The following SHANK1 variants were observed in gnomAD, a reference collection of about 807,000 sequenced individuals.
SHANK1 encodes SH3 and multiple ankyrin repeat domains protein 1.
Under a neutral mutation model 165.6 loss-of-function variants are expected in SHANK1, and 35 were observed. The observed-to-expected ratio is 0.21, with a 90% CI of 0.16 to 0.28. The LOEUF (loss-of-function observed/expected upper bound fraction) is 0.28. Ranked by LOEUF, SHANK1 falls within the 10% of genes least tolerant of loss-of-function variation. SHANK1 has a pLI of 1.00. For synonymous variants in SHANK1, 1,428 were observed against 1,384.8 expected (o/e 1.03, Z -0.69); for missense variants, 2,681 against 3,036.4 (o/e 0.88, Z 2.75).
chr19:50,708,518 C>T (rs1414168816), intron 8 of SHANK1, among the ~76,000 whole-genome samples: 1 of 142,852 alleles, frequency 7.0e-6, no homozygotes, highest in Non-Finnish European at 1.5e-5. Flanking sequence ...CCTCCCCAGG[C>T]CAGATGCTGT....
intron 4 of SHANK1, among the ~76,000 whole-genome samples, chr19:50,715,136 G>A (rs1307082972): frequency 2.0e-5 from 3 of 152,090 alleles, no homozygotes; most frequent in African/African-American, 7.2e-5. Context: ...TCTCACCATC[G>A]AGACACAGGA....
rs779065002 is a variant in SHANK1 at position 50,667,424 on chromosome 19, C to G, written c.4536G>C (p.Ser1512=). The G allele has an allele frequency of 6.6e-7, 1 of 1,520,186 alleles. No individual in the cohort carries two copies. The highest frequency in any genetic ancestry group is 1.4e-5 in the African/African-American group (1 of 72,718). The allele number at this position is 1,520,186 out of a possible 1,614,324, so 94.2% of individuals were successfully genotyped here. Residue 1512 remains serine (S), a synonymous_variant, in exon 23 of 24, where the codon TCG becomes TCC. Coordinates refer to ENST00000293441, the MANE Select transcript of SHANK1 (RefSeq NM_016148.5). This position sits in a 1 kb window ranked among gnomAD's most constrained non-coding sequence, Gnocchi z 5.7. ...APVTSGRGPP[S]EDGPGVPPPS... ...GCGGCGGGACCCCCGGCCCGTCCTC[C>G]GAGGGGGGACCCCTTCCGCTCGTCA...
chr19:50,667,971 G>T lies in SHANK1; in HGVS notation c.3989C>A (p.Thr1330Asn). ...CAGGGGTCGCGGGGGCAGGAAGCTG[G>T]TGAAGGCGCTGCTGCCCCCGCCACC... ...YGGGGGSSAF[T>N]SFLPPRPLVH... Residue 1330 changes from threonine to asparagine, a missense_variant, in exon 23 of 24, where the codon ACC becomes AAC. Physicochemically the swap from Thr to Asn is moderately conservative, Grantham distance 65 (BLOSUM62 0). Coordinates refer to ENST00000293441, the MANE Select transcript of SHANK1 (RefSeq NM_016148.5). The surrounding 1 kb of genome is among the most constrained non-coding windows in gnomAD (Gnocchi z 5.7). 1 of 1,440,998 alleles carries T rather than the reference G, an allele frequency of 6.9e-7. No individual in the cohort carries two copies. The highest frequency in any genetic ancestry group is 9.1e-7 in the Non-Finnish European group (1 of 1,102,186). 89.3% of individuals were successfully genotyped at this position (1,440,998 alleles called of 1,614,324 possible).
rs929380381 is a variant in SHANK1, at chr19:50,687,806, C to A, written c.2308+117G>T. ...TGCCTCAGTTTCTCCCCACAAGGGT[C>A]ACGGAGAAGCAGTGCTAGGGAAGGG... is the stretch of plus-strand genomic sequence containing the variant. On this transcript the variant is annotated intron_variant, in intron 18 of 23. Coordinates refer to ENST00000293441, the MANE Select transcript of SHANK1 (RefSeq NM_016148.5). 2.0e-5 allele frequency: 28 copies of A among 1,425,188 alleles called. No homozygotes were observed. The Admixed American group carries it at 5.6e-4, about 28-fold the overall frequency. 88.3% of individuals were successfully genotyped at this position (1,425,188 alleles called of 1,614,324 possible). A position where few individuals can be genotyped will look rare whatever the true frequency, so the allele number is the denominator to read the frequency against.
At chr19:50,664,731 A>T (rs1199134913) in intron 23 of SHANK1, among the ~76,000 whole-genome samples, 1 of 152,102 alleles carries the variant, frequency 6.6e-6, no homozygotes, top group Non-Finnish European at 1.5e-5. Context: ...AAACATAAGC[A>T]GGTCTCACTC....
chr19:50,668,605 C>T lies in SHANK1; in HGVS notation c.3355G>A (p.Glu1119Lys), dbSNP rs1270421651. ...PLVKQTKVEG[E>K]PQKGGGLPPA... is the part of the protein sequence containing the mutation. ...GGGAGGCCGCCGCCCTTCTGGGGCT[C>T]GCCTTCCACCTTGGTCTGCTTGACC... Residue 1119 changes from glutamate (E) to lysine (K), a missense_variant, in exon 23 of 24, where the codon GAG (glutamate) becomes AAG (lysine). Physicochemically the swap from Glu to Lys is moderately conservative, Grantham distance 56. This residue lies in a region of SHANK1 where 1,713 missense variants were observed against 1,630.2 expected (regional missense o/e 1.05). Coordinates refer to ENST00000293441, the MANE Select transcript of SHANK1 (RefSeq NM_016148.5). 2 of 1,370,414 alleles carry T rather than the reference C, an allele frequency of 1.5e-6. No individual in the cohort carries two copies. The highest frequency in any genetic ancestry group is 3.2e-5 in the Admixed American group (1 of 31,272). 84.9% of individuals were successfully genotyped at this position (1,370,414 alleles called of 1,614,324 possible). A position where few individuals can be genotyped will look rare whatever the true frequency, so the allele number is the denominator to read the frequency against.
rs778010514 is a variant in SHANK1, at chr19:50,697,695, CTT to C, written c.1862-33_1862-32del. On this transcript the variant is annotated intron_variant, in intron 13 of 23. Transcript: ENST00000293441. This position sits in a 1 kb window ranked among gnomAD's most constrained non-coding sequence, Gnocchi z 4.7. Reference sequence around the variant, plus strand: ...GGGTGACAACAGACAACCTTGGACTCTTGTTTTGGAAACCACAATCCCAGCCC... The same window carrying C: ...GGGTGACAACAGACAACCTTGGACTCGTTTTGGAAACCACAATCCCAGCCC... 1.2e-6 allele frequency: 2 copies of C among 1,608,488 alleles called. No individual in the cohort carries two copies. The highest frequency in any genetic ancestry group is 2.7e-5 in the African/African-American group (2 of 74,868).
rs184288424 is a variant in SHANK1, at chr19:50,680,256, C to T, written c.2577+5981G>A. Among the ~76,000 whole-genome samples, 39 of 151,806 alleles carry T rather than the reference C, an allele frequency of 2.6e-4. No individual in the cohort carries two copies. In the East Asian group the frequency reaches 6.4e-3, roughly 25 times the overall value. ...AGAGATGAGAGGGGAAATGAGAGGG[C>T]GATGGGAAGCATGGGAAGCAGGAAG... On this transcript the variant is annotated intron_variant, in intron 21 of 23. Coordinates refer to ENST00000293441, the MANE Select transcript of SHANK1 (RefSeq NM_016148.5).
Position 50,686,691 on chromosome 19 carries a change from G to T in SHANK1, c.2458+53C>A. 6.5e-7 allele frequency: 1 copy of T among 1,539,328 alleles called. No individual in the cohort carries two copies. The highest frequency in any genetic ancestry group is 1.1e-5 in the South Asian group (1 of 89,258). Reference sequence around the variant, plus strand: ...GTTCATGGTGGGACAGGGATGCAGCGGGTGCCGGGGCTGGGGCCCGGCATC... The same window carrying T: ...GTTCATGGTGGGACAGGGATGCAGCTGGTGCCGGGGCTGGGGCCCGGCATC... On this transcript the variant is annotated intron_variant, in intron 20 of 23. Coordinates refer to ENST00000293441, the MANE Select transcript of SHANK1 (RefSeq NM_016148.5). This position sits in a 1 kb window ranked among gnomAD's most constrained non-coding sequence, Gnocchi z 5.7.
intron 21 of SHANK1, among the ~76,000 whole-genome samples, chr19:50,674,701 C>T (rs545033041): frequency 7.9e-4 from 121 of 152,230 alleles, no homozygotes; most frequent in African/African-American, 2.6e-3. Context: ...TAGGGAGGAT[C>T]GCTTGACCCC....
At position 50,688,131 on chromosome 19, in the gene SHANK1, G is replaced by A; in HGVS notation, c.2173-73C>T. Reference sequence around the variant, plus strand: ...GTGCTTGCAGCTTCAGAGACCCCAAGGAGGATGCCTCCTGCGCTGCCCTGT... The same window carrying A: ...GTGCTTGCAGCTTCAGAGACCCCAAAGAGGATGCCTCCTGCGCTGCCCTGT... On this transcript the variant is annotated intron_variant, in intron 17 of 23. Coordinates refer to ENST00000293441, the MANE Select transcript of SHANK1 (RefSeq NM_016148.5). This position sits in a 1 kb window ranked among gnomAD's most constrained non-coding sequence, Gnocchi z 6.7. 2 of 1,575,392 alleles carry A rather than the reference G, an allele frequency of 1.3e-6. No individual in the cohort carries two copies. The highest frequency in any genetic ancestry group is 1.1e-5 in the South Asian group (1 of 88,482).
In SHANK1 at chr19:50,713,786, C is replaced by G. The variant is rs1481399312; in HGVS notation, c.792+12G>C. ...GCCCCATGGCGGGGATGGGGGGTCCCCGAAGCCTCACCGTGAGTGCCAGGC... is the reference window on the plus strand; with the variant it reads ...GCCCCATGGCGGGGATGGGGGGTCCGCGAAGCCTCACCGTGAGTGCCAGGC... On this transcript the variant is annotated intron_variant, in intron 6 of 23. Transcript: ENST00000293441. The surrounding 1 kb of genome is among the most constrained non-coding windows in gnomAD (Gnocchi z 6.2). 6.2e-7 allele frequency: 1 copy of G among 1,611,622 alleles called. No individual in the cohort carries two copies. The highest frequency in any genetic ancestry group is 1.3e-5 in the African/African-American group (1 of 74,814).
In SHANK1 at chr19:50,659,330, G is replaced by C; in HGVS notation, c.*2635C>G. 1 of 446,502 alleles carries C rather than the reference G, an allele frequency of 2.2e-6. No individual in the cohort carries two copies. 27.7% of individuals were successfully genotyped at this position (446,502 alleles called of 1,614,324 possible). ...AAGCCATTTCTCTCTGCAAAATCTT[G>C]GTGGGGAGTCAGGGGAAGGGAGGTG... On this transcript the variant is annotated 3_prime_UTR_variant, in exon 24 of 24. Coordinates refer to ENST00000293441, the MANE Select transcript of SHANK1 (RefSeq NM_016148.5).
intron 22 of SHANK1, among the ~76,000 whole-genome samples, chr19:50,669,613 G>A (rs1234934939): frequency 6.6e-6 from 1 of 152,154 alleles, no homozygotes; most frequent in African/African-American, 2.4e-5. Context: ...CAGCAAAAGT[G>A]GCTGGAGCTG....
rs776687083 is a variant in SHANK1, at chr19:50,667,436, C to G, written c.4524G>C (p.Arg1508Ser). Residue 1508 changes from arginine (R) to serine (S), a missense_variant, in exon 23 of 24, where the codon AGG (arginine) becomes AGC (serine). Physicochemically the swap from Arg to Ser is moderately radical, Grantham distance 110. Around this residue, in one of 10 missense-constraint regions of SHANK1, gnomAD observed 1,713 missense variants for 1,630.2 expected, o/e 1.05. Transcript: ENST00000293441. This position sits in a 1 kb window ranked among gnomAD's most constrained non-coding sequence, Gnocchi z 5.7. ...CQPRAPVTSG[R>S]GPPSEDGPGV... Reference sequence around the variant, plus strand: ...CCGGCCCGTCCTCCGAGGGGGGACCCCTTCCGCTCGTCACAGGGGCCCGGG... The same window carrying G: ...CCGGCCCGTCCTCCGAGGGGGGACCGCTTCCGCTCGTCACAGGGGCCCGGG... 5.8e-5 allele frequency: 89 copies of G among 1,525,484 alleles called. 1 individual carries two copies. In the East Asian group the frequency reaches 1.3e-3, roughly 22 times the overall value. The allele number at this position is 1,525,484 out of a possible 1,614,324, so 94.5% of individuals were successfully genotyped here. A position where few individuals can be genotyped will look rare whatever the true frequency, so the allele number is the denominator to read the frequency against.
intron 21 of SHANK1, among the ~76,000 whole-genome samples, chr19:50,674,263 G>C (rs12978176): frequency 0.11 from 16,347 of 152,066 alleles, 1,084 homozygotes; most frequent in Middle Eastern, 0.19. Context: ...ATGAGTAACA[G>C]GGAGAATCAG....
Position 50,670,256 on chromosome 19 carries a change from A to G in SHANK1, c.2675-971T>C, listed in dbSNP as rs1050501441. ...CAGGTGCTAAGACTGAAAACCTTGC[A>G]GCCACTCTTAGCTTTCTTCCTCAAG... On this transcript the variant is annotated intron_variant, in intron 22 of 23. Coordinates refer to ENST00000293441, the MANE Select transcript of SHANK1 (RefSeq NM_016148.5). This position sits in a 1 kb window ranked among gnomAD's most constrained non-coding sequence, Gnocchi z 4.1. 1.3e-5 allele frequency among the ~76,000 whole-genome samples: 2 copies of G among 152,180 alleles called. No homozygotes were observed. The highest frequency in any genetic ancestry group is 4.8e-5 in the African/African-American group (2 of 41,438).
intron 21 of SHANK1, among the ~76,000 whole-genome samples, chr19:50,672,583 AAAG>A (rs1304895480): frequency 1.2e-4 from 18 of 151,376 alleles, no homozygotes; most frequent in Non-Finnish European, 2.4e-4. Context: ...AAAAAAAAGA[AAAG>A]AAGGCGAAAG....
intron 21 of SHANK1, among the ~76,000 whole-genome samples, chr19:50,679,727 A>G (rs751031428): frequency 3.4e-4 from 51 of 152,126 alleles, no homozygotes; most frequent in Admixed American, 7.2e-4. Context: ...GATAGGGGAG[A>G]GAATGGACGG....
Sources: gnomAD v4.1 joint callset for allele counts (sites outside exome capture counted in the v4.1 genomes callset) on GRCh38, gnomAD v4.1.1 for gene constraint, gnomAD v4.1.1 regional missense constraint, Gnocchi (gnomAD v3.1) non-coding constraint, MANE v1.5 for transcripts, NCBI Gene and HGNC (gene_info 2026-07-23, HGNC 2026-07-21) for gene names.